Variants in RNF111 observed in about 807,000 individuals in gnomAD.
RNF111 encodes E3 ubiquitin-protein ligase Arkadia.
A neutral mutation model predicts 95.1 loss-of-function variants in RNF111; 17 were observed. The ratio of observed to expected loss-of-function variants is 0.18; its 90% confidence interval spans 0.12 to 0.27. The LOEUF (loss-of-function observed/expected upper bound fraction) is 0.27. Ranked by LOEUF, RNF111 falls within the 10% of genes least tolerant of loss-of-function variation. The pLI is 1.00. For missense variants in RNF111, 1,189 were observed against 1,210.4 expected (o/e 0.98, Z 0.26); for synonymous variants, 440 against 414.8 (o/e 1.06, Z -0.74).
rs767299553 is a variant in RNF111 at position 59,094,759 on chromosome 15, T to C, written c.2844-24T>C. On this transcript the variant is annotated intron_variant, in intron 13 of 13. Transcript: ENST00000348370. ...CAATTATCATAAAATTAATTTTTGC[T>C]TTTTGTTTTCTTGCCAATAATAGAC... 6 of 1,362,596 alleles carry C rather than the reference T, an allele frequency of 4.4e-6. 1 individual carries two copies. In the Admixed American group the frequency reaches 8.4e-5, roughly 19 times the overall value. 84.4% of individuals were successfully genotyped at this position (1,362,596 alleles called of 1,614,324 possible).
intron 3 of RNF111, among the ~76,000 whole-genome samples, chr15:59,052,997 T>G (rs1201622383): frequency 1.3e-5 from 2 of 152,196 alleles, no homozygotes; most frequent in African/African-American, 4.8e-5. Flanking sequence ...GGTACCAAAT[T>G]AAAAATGAAA....
chr15:59,045,938 T>G (rs1267602436), intron 2 of RNF111, among the ~76,000 whole-genome samples: 1 of 152,208 alleles, frequency 6.6e-6, no homozygotes, highest in African/African-American at 2.4e-5. Flanking sequence ...GTAAGATATA[T>G]TTGCACTGTT....
At position 59,031,680 on chromosome 15, in the gene RNF111, A is replaced by T; in HGVS notation, c.858A>T (p.Gln286His). The T allele has an allele frequency of 6.2e-7, 1 of 1,613,944 alleles. No homozygotes were observed. Among genetic ancestry groups the T allele is most frequent in the South Asian group, 1.1e-5 (1 of 91,046 alleles). ...DLFVSASENH[Q>H]NNPAVPSGSI... ...TTGTTTCTGCCAGTGAAAACCACCAAAACAATCCAGCTGTTCCCTCAGGTA... is the reference window on the plus strand; with the variant it reads ...TTGTTTCTGCCAGTGAAAACCACCATAACAATCCAGCTGTTCCCTCAGGTA... Residue 286 changes from glutamine to histidine, a missense_variant, in exon 2 of 14, where the codon CAA becomes CAT. Gln to His is a conservative substitution (Grantham distance 24). This residue lies in a region of RNF111 where 1,024 missense variants were observed against 925.9 expected (regional missense o/e 1.11). Transcript: ENST00000348370.
intron 1 of RNF111, among the ~76,000 whole-genome samples, chr15:58,995,711 G>T (rs534686820): frequency 6.7e-6 from 1 of 149,506 alleles, no homozygotes; most frequent in South Asian, 2.1e-4. Context: ...TGATCCACCT[G>T]CCTCAGCCTC....
chr15:59,003,743 G>GT (rs1316894302), intron 1 of RNF111, among the ~76,000 whole-genome samples: 3 of 152,148 alleles, frequency 2.0e-5, no homozygotes, highest in African/African-American at 4.8e-5. Context: ...AATTATCTTG[G>GT]TTTTTTGGTC....
At chr15:59,077,880 C>G (rs150096989) in intron 7 of RNF111, among the ~76,000 whole-genome samples, 216 of 152,298 alleles carry the variant, frequency 1.4e-3, no homozygotes, top group African/African-American at 4.6e-3. Context: ...TTTGATAACT[C>G]TGTTTTGGGC....
At chr15:59,061,277 T>C (rs1204336277) in intron 5 of RNF111, among the ~76,000 whole-genome samples, 2 of 152,212 alleles carry the variant, frequency 1.3e-5, no homozygotes, top group Non-Finnish European at 2.9e-5. Context: ...CAGGACCCTA[T>C]GGAACATTAG....
At position 59,077,845 on chromosome 15, in the gene RNF111, TTG is replaced by T. The variant is rs1325229046; in HGVS notation, c.1948+1632_1948+1633del. Among the ~76,000 whole-genome samples the T allele has an allele frequency of 2.6e-5, 4 of 152,216 alleles. No individual in the cohort carries two copies. In the East Asian group the frequency reaches 7.7e-4, roughly 29 times the overall value. On this transcript the variant is annotated intron_variant, in intron 7 of 13. Coordinates refer to ENST00000348370, the MANE Select transcript of RNF111 (RefSeq NM_017610.8). ...TGAGAATGAAGGTAGGAAATTTAAA[TTG>T]TATTATTTTCTGTTAGAGACATTTT...
At chr15:59,051,758 T>A in intron 2 of RNF111, among the ~76,000 whole-genome samples, 1 of 150,596 alleles carries the variant, frequency 6.6e-6, no homozygotes, top group African/African-American at 2.5e-5. Context: ...GGCAACAGAG[T>A]GAGAAACTGT....
chr15:59,033,780 T>G (rs1218509023), intron 2 of RNF111, among the ~76,000 whole-genome samples: 1 of 152,044 alleles, frequency 6.6e-6, no homozygotes, highest in African/African-American at 2.4e-5. Context: ...AGCGTGTGTG[T>G]TTTTTTTCAT....
chr15:59,087,953 A>G (rs1486750996), intron 10 of RNF111, among the ~76,000 whole-genome samples: 2 of 152,210 alleles, frequency 1.3e-5, no homozygotes, highest in African/African-American at 4.8e-5. Context: ...GGCACCTCTT[A>G]GATTACGTAC....
rs1319905428 is a variant in RNF111 at position 59,094,840 on chromosome 15, C to T, written c.2901C>T (p.Thr967=). The part of the protein sequence containing the change: ...HQVCVDQWLI[T]NKKCPICRVD... ...TGTGTGTTGACCAATGGTTGATTAC[C>T]AATAAGAAGTGCCCCATATGCAGAG... The change falls in exon 14 of 14, where the codon ACC becomes ACT. Residue 967 remains threonine, a synonymous_variant. Coordinates refer to ENST00000348370, the MANE Select transcript of RNF111 (RefSeq NM_017610.8). 3.7e-6 allele frequency: 6 copies of T among 1,612,904 alleles called. No individual in the cohort carries two copies. The highest frequency in any genetic ancestry group is 5.1e-6 in the Non-Finnish European group (6 of 1,179,330).
intron 2 of RNF111, among the ~76,000 whole-genome samples, chr15:59,045,412 A>T (rs575502160): frequency 1.6e-4 from 24 of 152,190 alleles, no homozygotes; most frequent in African/African-American, 5.8e-4. Flanking sequence ...GCTGGTCTCG[A>T]TCTCCTGACC....
At chr15:59,024,767 C>T (rs1359718079) in intron 1 of RNF111, among the ~76,000 whole-genome samples, 1 of 152,180 alleles carries the variant, frequency 6.6e-6, no homozygotes, top group Non-Finnish European at 1.5e-5. Flanking sequence ...ACATCTCCAT[C>T]TATTTCCACA....
intron 2 of RNF111, among the ~76,000 whole-genome samples, chr15:59,042,125 A>ATTTTTTT (rs376873248): frequency 6.6e-6 from 1 of 150,874 alleles, no homozygotes. Context: ...TTTATGCCAA[A>ATTTTTTT]TTTTTTTTTC....
At chr15:59,051,414 C>T (rs949808266) in intron 2 of RNF111, among the ~76,000 whole-genome samples, 18 of 145,226 alleles carry the variant, frequency 1.2e-4, no homozygotes, top group Admixed American at 4.3e-4. Flanking sequence ...GCAGAGATGG[C>T]GCCACTGCAC....
chr15:59,037,454 G>T (rs1360612357), intron 2 of RNF111, among the ~76,000 whole-genome samples: 1 of 152,064 alleles, frequency 6.6e-6, no homozygotes, highest in Non-Finnish European at 1.5e-5. Context: ...AACCTTACTG[G>T]AACTAATTGA....
chr15:59,013,134 C>T (rs1304284704), intron 1 of RNF111, among the ~76,000 whole-genome samples: 1 of 152,020 alleles, frequency 6.6e-6, no homozygotes, highest in Non-Finnish European at 1.5e-5. Flanking sequence ...TCATTTCTCT[C>T]CTGCCTTTCC....
At chr15:59,064,824 G>A (rs2042589206) in intron 5 of RNF111, among the ~76,000 whole-genome samples, 1 of 151,924 alleles carries the variant, frequency 6.6e-6, no homozygotes, top group Non-Finnish European at 1.5e-5. Flanking sequence ...TTGAAGAGAT[G>A]AGAATCCGGA....
Sources: allele counts gnomAD v4.1 joint callset (sites outside exome capture counted in the v4.1 genomes callset), GRCh38; gene constraint gnomAD v4.1.1; regional missense constraint gnomAD v4.1.1; transcripts MANE v1.5; gene names NCBI Gene and HGNC (gene_info 2026-07-23, HGNC 2026-07-21).